The following ZBP1 variants were observed in gnomAD, a reference collection of about 807,000 sequenced individuals.
The protein encoded by ZBP1 is Z-DNA-binding protein 1.
Under a neutral mutation model 41.1 loss-of-function variants are expected in ZBP1, and 42 were observed. The observed-to-expected ratio is 1.02, with a 90% confidence interval of 0.80 to 1.32. The LOEUF (loss-of-function observed/expected upper bound fraction) is 1.32, where lower values mean the gene tolerates loss of function less well. Among genes scored for constraint, ZBP1 ranks in the 40% most tolerant of loss-of-function variants. The pLI is 0.00. For synonymous variants in ZBP1, 214 were observed against 205.2 expected (o/e 1.04, Z -0.37); for missense variants, 562 against 549.7 (o/e 1.02, Z -0.22).
At chr20:57,615,217 G>T in intron 3 of ZBP1, 157 bp from the exon 4 acceptor site, 3 of 831,994 alleles carry the variant, frequency 3.6e-6, no homozygotes, top group Non-Finnish European at 5.7e-6. Context: ...ATGACGCACC[G>T]CAGAGGTGCC....
At chr20:57,612,836 C>A in intron 5 of ZBP1, 1 of 1,066,966 alleles carries the variant, frequency 9.4e-7, no homozygotes, top group South Asian at 2.9e-5. Context: ...TGAAAAACAC[C>A]GGACCCCATT....
At position 57,616,304 on chromosome 20, in the gene ZBP1, A is replaced by G. The variant is rs34055120; in HGVS notation, c.199T>C (p.Cys67Arg). ...CCTTCAGGATCAGTCCCGCCCAAGC[A>G]CCAGGTGGCAGGGGATGTGAGGGAG... ...KVSLTSPATWCLGGTDPEGEG... is the reference protein window; with the variant it reads ...KVSLTSPATWRLGGTDPEGEG... The change falls in exon 2 of 8, where the codon TGC becomes CGC. Residue 67 changes from cysteine (C) to arginine (R), a missense_variant. Coordinates refer to ENST00000371173, the MANE Select transcript of ZBP1 (RefSeq NM_030776.3). The G allele has an allele frequency of 3.1e-3, 4,976 of 1,614,184 alleles. 144 individuals are homozygous for G. The African/African-American group carries it at 0.056, about 18-fold the overall frequency.
intron 3 of ZBP1, 100 bp downstream of exon 3, chr20:57,615,412 C>G (rs2070793117): frequency 2.3e-6 from 3 of 1,323,130 alleles, no homozygotes; most frequent in Non-Finnish European, 3.2e-6. Flanking sequence ...GGACAGGGCC[C>G]CTGAACACTG....
At chr20:57,607,269 T>C in intron 7 of ZBP1, 2 of 1,303,254 alleles carry the variant, frequency 1.5e-6, no homozygotes, top group African/African-American at 3.0e-5. Flanking sequence ...TGAATGACTT[T>C]GAGGGGTTCA....
intron 6 of ZBP1, among the ~76,000 whole-genome samples, chr20:57,611,191 T>G (rs553480049): frequency 2.6e-5 from 4 of 152,250 alleles, no homozygotes; most frequent in Admixed American, 6.5e-5. Flanking sequence ...ATGAGGAAAC[T>G]GAGGTTTCCT....
Position 57,604,534 on chromosome 20 carries a change from AC to A in ZBP1, c.*38del, listed in dbSNP as rs761033862. On this transcript the variant is annotated 3_prime_UTR_variant, in exon 8 of 8. Transcript: ENST00000371173. ...AGGCTAGTCTCCCTAGCATGCGCCC[AC>A]CCCCAGCCTGTGTCCAAGCCCCACG... 1.9e-6 allele frequency: 3 copies of A among 1,603,890 alleles called. No individual in the cohort carries two copies. Among genetic ancestry groups the A allele is most frequent in the South Asian group, 1.1e-5 (1 of 89,830 alleles).
intron 1 of ZBP1, 106 bp from the exon 2 acceptor site, chr20:57,616,574 G>A: frequency 5.8e-6 from 7 of 1,206,404 alleles, no homozygotes; most frequent in Non-Finnish European, 7.1e-6. Context: ...TTTTTGAGAG[G>A]GGTCCAGGGC....
rs1378056344 is a variant in ZBP1, at chr20:57,616,829, G to T, written c.35-361C>A. 4 of 276,296 alleles carry T rather than the reference G, an allele frequency of 1.4e-5. No homozygotes were observed. The East Asian group carries it at 3.5e-4, about 24-fold the overall frequency. 17.1% of individuals were successfully genotyped at this position (276,296 alleles called of 1,614,324 possible). The stretch of plus-strand genomic sequence containing the variant: ...GGCAGAAGGACGGAGCCAGAGGGAG[G>T]CAGGGGGACCTGGGAGCGCAAAGGC... On this transcript the variant is annotated intron_variant, in intron 1 of 7. Coordinates refer to ENST00000371173, the MANE Select transcript of ZBP1 (RefSeq NM_030776.3).
Position 57,611,776 on chromosome 20 carries a change from G to C in ZBP1, c.825C>G (p.His275Gln). 1.9e-6 allele frequency: 3 copies of C among 1,612,680 alleles called. No homozygotes were observed. The highest frequency in any genetic ancestry group is 2.7e-5 in the African/African-American group (2 of 75,036). Residue 275 changes from histidine to glutamine, a missense_variant, in exon 6 of 8, where the codon CAC becomes CAG. By Grantham distance (24) the His-to-Gln change is conservative (BLOSUM62 0). Coordinates refer to ENST00000371173, the MANE Select transcript of ZBP1 (RefSeq NM_030776.3). ...QLGHSNEMRL[H>Q]GVPSEGPAHI... The stretch of plus-strand genomic sequence containing the variant: ...GGGCAGGGCCCTCGGACGGGACGCC[G>C]TGGAGCCTCATCTCATTGCTGTGTC...
Position 57,604,129 on chromosome 20 carries a change from TC to T in ZBP1, c.*443del. Reference sequence around the variant, plus strand: ...ACCTATTGATCCGCCCGCCTCGGCCTCCCAAAGTGCTGGGATTACAGGCGTG... The same window carrying T: ...ACCTATTGATCCGCCCGCCTCGGCCTCCAAAGTGCTGGGATTACAGGCGTG... On this transcript the variant is annotated 3_prime_UTR_variant, in exon 8 of 8. Transcript: ENST00000371173. 3.5e-6 allele frequency: 1 copy of T among 288,816 alleles called. No homozygotes were observed. Among genetic ancestry groups the T allele is most frequent in the East Asian group, 1.2e-4 (1 of 8,688 alleles). The allele number at this position is 288,816 out of a possible 1,614,324, so 17.9% of individuals were successfully genotyped here.
rs887606754 is a variant in ZBP1 at position 57,613,133 on chromosome 20, C to T, written c.670+30G>A. The T allele has an allele frequency of 5.6e-6, 9 of 1,613,798 alleles. No individual in the cohort carries two copies. The highest frequency in any genetic ancestry group is 1.7e-5 in the Admixed American group (1 of 59,982). ...GGATCCGGTGGCTCCCCACCGAGGT[C>T]CCCTCCCTGGGCTCTCTTGGGTGAC... is the stretch of plus-strand genomic sequence containing the variant. On this transcript the variant is annotated intron_variant, in intron 5 of 7. Coordinates refer to ENST00000371173, the MANE Select transcript of ZBP1 (RefSeq NM_030776.3). The surrounding 1 kb of genome is among the most constrained non-coding windows in gnomAD (Gnocchi z 4.5).
intron 7 of ZBP1, among the ~76,000 whole-genome samples, chr20:57,609,167 G>A (rs2070578888): frequency 6.6e-6 from 1 of 152,166 alleles, no homozygotes; most frequent in South Asian, 2.1e-4. Flanking sequence ...TGTCCACACT[G>A]TTCCACCCAC....
At chr20:57,608,238 C>T (rs937601770) in intron 7 of ZBP1, among the ~76,000 whole-genome samples, 1 of 152,162 alleles carries the variant, frequency 6.6e-6, no homozygotes, top group Non-Finnish European at 1.5e-5. Context: ...TCTCCTGCCT[C>T]AGCCTCCTGA....
chr20:57,611,641 C>T lies in ZBP1; in HGVS notation c.874+86G>A, dbSNP rs1266390891. On this transcript the variant is annotated intron_variant, in intron 6 of 7. Transcript: ENST00000371173. ...GAAAGGAATTTCCCATCATGCTTCT[C>T]TTCCCAAAAAGATTCTGGCTCCAGT... is the stretch of plus-strand genomic sequence containing the variant. 1.0e-5 allele frequency: 14 copies of T among 1,403,454 alleles called. No homozygotes were observed. The Admixed American group carries it at 3.1e-4, about 31-fold the overall frequency. 86.9% of individuals were successfully genotyped at this position (1,403,454 alleles called of 1,614,324 possible). A position where few individuals can be genotyped will look rare whatever the true frequency, so the allele number is the denominator to read the frequency against.
rs977085855 is a variant in ZBP1, at chr20:57,613,397, C to T, written c.503-67G>A. 15 of 1,529,398 alleles carry T rather than the reference C, an allele frequency of 9.8e-6. No homozygotes were observed. The East Asian group carries it at 1.6e-4, about 16-fold the overall frequency. The allele number at this position is 1,529,398 out of a possible 1,614,324, so 94.7% of individuals were successfully genotyped here. A position where few individuals can be genotyped will look rare whatever the true frequency, so the allele number is the denominator to read the frequency against. On this transcript the variant is annotated intron_variant, in intron 4 of 7. Coordinates refer to ENST00000371173, the MANE Select transcript of ZBP1 (RefSeq NM_030776.3). The surrounding 1 kb of genome is among the most constrained non-coding windows in gnomAD (Gnocchi z 4.5). The stretch of plus-strand genomic sequence containing the variant: ...TGGGTCAGGGGTTCCCAATACCAGT[C>T]GGCAGCACCAAATTCTCCTGGGGAG...
At position 57,613,381 on chromosome 20, in the gene ZBP1, G is replaced by A; in HGVS notation, c.503-51C>T. The A allele has an allele frequency of 6.3e-7, 1 of 1,577,886 alleles. No individual in the cohort carries two copies. On this transcript the variant is annotated intron_variant, in intron 4 of 7. Transcript: ENST00000371173. The surrounding 1 kb of genome is among the most constrained non-coding windows in gnomAD (Gnocchi z 4.5). ...CCTTTGCCACTGTCTATGGGTCAGG[G>A]GTTCCCAATACCAGTCGGCAGCACC...
chr20:57,619,438 A>G (rs59666853), intron 1 of ZBP1, among the ~76,000 whole-genome samples: 3,034 of 152,302 alleles, frequency 0.02, 92 homozygotes, highest in African/African-American at 0.058. Context: ...ACCACACTTC[A>G]CCTACAGTCC....
chr20:57,612,025 C>T (rs1211698067), intron 5 of ZBP1, 95 bp from the exon 6 acceptor site: 1 of 1,338,720 alleles, frequency 7.5e-7, no homozygotes, highest in African/African-American at 1.5e-5. Flanking sequence ...TGAATTCTTC[C>T]TGGACACCAT....
chr20:57,614,504 C>T lies in ZBP1; in HGVS notation c.502+383G>A, dbSNP rs114384961. On this transcript the variant is annotated intron_variant, in intron 4 of 7. Transcript: ENST00000371173. ...CCTGCGCTGACCCTGGGGCTCCAGC[C>T]GGTAGGGGTCCAAGACTAGTCTTGC... Among the ~76,000 whole-genome samples the T allele has an allele frequency of 3.7e-3, 570 of 152,232 alleles. 2 individuals are homozygous for T. The highest frequency in any genetic ancestry group is 0.013 in the African/African-American group (549 of 41,530).
Sources: gnomAD v4.1 joint callset for allele counts (sites outside exome capture counted in the v4.1 genomes callset) on GRCh38, gnomAD v4.1.1 for gene constraint, Gnocchi (gnomAD v3.1) non-coding constraint, MANE v1.5 for transcripts, NCBI Gene and HGNC (gene_info 2026-07-23, HGNC 2026-07-21) for gene names.